The following GRIPAP1 variants were observed in gnomAD, a reference collection of about 807,000 sequenced individuals.
GRIPAP1 encodes GRIP1-associated protein 1.
GRIPAP1 carries 14 observed loss-of-function variants against 84.1 expected under a neutral mutation model. The observed-to-expected ratio is 0.17, with a 90% CI of 0.11 to 0.26. The LOEUF (loss-of-function observed/expected upper bound fraction) is 0.26. Ranked by LOEUF, GRIPAP1 falls within the 10% of genes least tolerant of loss-of-function variation. The pLI is 1.00. For missense variants in GRIPAP1, 518 were observed against 674.2 expected (o/e 0.77, Z 2.57); for synonymous variants, 261 against 256.8 (o/e 1.02, Z -0.15).
rs1351542097 is a variant in GRIPAP1, at chrX:49,002,183, G to A, written c.42+5C>T. The A allele has an allele frequency of 1.7e-6, 2 of 1,161,321 alleles. No homozygotes were observed. Among genetic ancestry groups the A allele is most frequent in the Non-Finnish European group, 2.3e-6 (2 of 855,050 alleles). On this transcript the variant is annotated splice_donor_5th_base_variant and intron_variant, in intron 1 of 25. Transcript: ENST00000376423. ...CCGGGTGGTCTTTCCCACCGCGAGC[G>A]GCACCTGCATCCGCTGAAACTCCTC...
chrX:48,979,626 T>A (rs1457964745), intron 21 of GRIPAP1, among the ~76,000 whole-genome samples: 9 of 108,011 alleles, frequency 8.3e-5, no homozygotes, highest in African/African-American at 2.0e-4. Context: ...TATTATTATT[T>A]TTTAGACAGA....
Position 48,989,665 on chromosome X carries a change from T to A in GRIPAP1, c.816A>T (p.Lys272Asn). ...GCTTCTGGGTTCGAGCCAACTGGGC[T>A]TTGTGATCAGCTTCCTTCCGTTGTT... ...ELQQRKEADH[K>N]AQLARTQKLQ... is the part of the protein sequence containing the mutation. The change falls in exon 11 of 26, where the codon AAA becomes AAT. Residue 272 changes from lysine to asparagine, a missense_variant. Lys to Asn is a moderately conservative substitution (Grantham distance 94). Transcript: ENST00000376423. 1 of 1,207,948 alleles carries A rather than the reference T, an allele frequency of 8.3e-7. No homozygotes were observed. Among genetic ancestry groups the A allele is most frequent in the Non-Finnish European group, 1.1e-6 (1 of 892,013 alleles).
intron 1 of GRIPAP1, 34 bp from the exon 2 acceptor site, chrX:48,999,538 C>T: frequency 3.8e-6 from 4 of 1,061,971 alleles, no homozygotes; most frequent in Non-Finnish European, 5.3e-6. Flanking sequence ...AAGACTTGGT[C>T]AGGAAAGCGC....
intron 5 of GRIPAP1, 143 bp downstream of exon 5, chrX:48,997,107 C>A (rs1451998085): frequency 1.5e-5 from 7 of 452,592 alleles, no homozygotes; most frequent in Non-Finnish European, 2.6e-5. Context: ...TACTGCCCCC[C>A]AGCAGCAATC....
intron 5 of GRIPAP1, among the ~76,000 whole-genome samples, chrX:48,996,200 G>A (rs2064546173): frequency 8.9e-6 from 1 of 112,043 alleles, no homozygotes; most frequent in Non-Finnish European, 1.9e-5. Flanking sequence ...GTCCCTGCTG[G>A]TACCTACTAC....
At chrX:48,990,294 CAT>C (rs2147743761) in intron 8 of GRIPAP1, among the ~76,000 whole-genome samples, 1 of 112,019 alleles carries the variant, frequency 8.9e-6, no homozygotes, top group East Asian at 2.8e-4. Context: ...ATGCTCCCAA[CAT>C]AGTGGCCAAT....
Position 48,991,114 on chromosome X carries a change from G to A in GRIPAP1, c.458-4C>T. ...TTCCCATAGCGTTCCTGCAGGGCTG[G>A]TGAGTAGAACAGGGATATATGATGG... On this transcript the variant is annotated splice_region_variant and splice_polypyrimidine_tract_variant and intron_variant, in intron 6 of 25. Coordinates refer to ENST00000376423, the MANE Select transcript of GRIPAP1 (RefSeq NM_020137.5). 1.7e-6 allele frequency: 2 copies of A among 1,172,706 alleles called. No homozygotes were observed. The highest frequency in any genetic ancestry group is 1.2e-6 in the Non-Finnish European group (1 of 859,431).
chrX:48,986,610 G>T (rs1557063829), intron 13 of GRIPAP1, among the ~76,000 whole-genome samples: 1 of 109,670 alleles, frequency 9.1e-6, no homozygotes, highest in East Asian at 3.0e-4. Context: ...GGCCAGGCTG[G>T]TCTCGAACTC....
At chrX:48,998,302 G>A (rs1339769790) in intron 3 of GRIPAP1, 122 bp from the exon 4 acceptor site, 2 of 501,149 alleles carry the variant, frequency 4.0e-6, no homozygotes, top group Non-Finnish European at 7.1e-6. Flanking sequence ...TGCAGGATGG[G>A]AGCATCTTCA....
At chrX:48,987,693 G>C in intron 13 of GRIPAP1, 92 bp downstream of exon 13, 1 of 566,419 alleles carries the variant, frequency 1.8e-6, no homozygotes. Flanking sequence ...AACAGCATGG[G>C]GTCCAGACCA....
At chrX:48,998,947 G>C (rs2064561725) in intron 3 of GRIPAP1, 1 of 317,087 alleles carries the variant, frequency 3.2e-6, no homozygotes, top group Non-Finnish European at 5.5e-6. Flanking sequence ...GCAGATTCGA[G>C]GTAGATTTAC....
At chrX:48,996,779 C>G (rs782419743) in intron 5 of GRIPAP1, among the ~76,000 whole-genome samples, 5 of 111,885 alleles carry the variant, frequency 4.5e-5, no homozygotes, top group African/African-American at 1.6e-4. Flanking sequence ...TAGAAACAGA[C>G]AGGACACTAA....
At position 48,985,264 on chromosome X, in the gene GRIPAP1, T is replaced by C; in HGVS notation, c.1176+4A>G. On this transcript the variant is annotated splice_donor_region_variant and intron_variant, in intron 14 of 25. Coordinates refer to ENST00000376423, the MANE Select transcript of GRIPAP1 (RefSeq NM_020137.5). ...AAGAGACAGGCCAGAGCCAAAGGTG[T>C]TACCTGGAGCTGGGAGTTGAGGTCA... 2 of 1,207,011 alleles carry C rather than the reference T, an allele frequency of 1.7e-6. No homozygotes were observed. The highest frequency in any genetic ancestry group is 2.2e-6 in the Non-Finnish European group (2 of 891,623).
Position 48,990,569 on chromosome X carries a change from T to C in GRIPAP1, c.690+116A>G. 7.2e-6 allele frequency: 4 copies of C among 559,047 alleles called. 1 individual carries two copies. The highest frequency in any genetic ancestry group is 1.2e-5 in the Non-Finnish European group (4 of 331,845). The allele number at this position is 559,047 out of a possible 1,213,427, so 46.1% of individuals were successfully genotyped here. A position where few individuals can be genotyped will look rare whatever the true frequency, so the allele number is the denominator to read the frequency against. On this transcript the variant is annotated intron_variant, in intron 8 of 25. Transcript: ENST00000376423. Reference sequence around the variant, plus strand: ...GGTGTGAGTCTCTCCATTTCACAGATGATGAAACCTAGGCTTTGATGGGGT... The same window carrying C: ...GGTGTGAGTCTCTCCATTTCACAGACGATGAAACCTAGGCTTTGATGGGGT...
At chrX:48,985,779 T>A (rs1189621763) in intron 13 of GRIPAP1, among the ~76,000 whole-genome samples, 1 of 109,586 alleles carries the variant, frequency 9.1e-6, no homozygotes, top group African/African-American at 3.3e-5. Context: ...TTTGAAGGGG[T>A]AAAGGGGACC....
chrX:48,986,401 C>A (rs1018860592), intron 13 of GRIPAP1, among the ~76,000 whole-genome samples: 1 of 109,967 alleles, frequency 9.1e-6, no homozygotes, highest in Non-Finnish European at 1.9e-5. Context: ...ATTTTGTTTT[C>A]TCTTTTTTGA....
chrX:48,997,527 G>A, intron 4 of GRIPAP1, 170 bp from the exon 5 acceptor site: 1 of 430,776 alleles, frequency 2.3e-6, no homozygotes, highest in South Asian at 3.4e-5. Context: ...TGAGAGACAG[G>A]GAAAGGAAGA....
chrX:48,999,213 T>C, intron 3 of GRIPAP1, 25 bp downstream of exon 3: 1 of 1,153,137 alleles, frequency 8.7e-7, no homozygotes, highest in South Asian at 1.8e-5. Context: ...GATGGGTAGG[T>C]GGATGGGTGG....
intron 13 of GRIPAP1, among the ~76,000 whole-genome samples, chrX:48,987,452 T>C (rs2147741166): frequency 1.0e-5 from 1 of 98,074 alleles, no homozygotes; most frequent in South Asian, 5.1e-4. Context: ...CTTTTTTTTT[T>C]TTTTTTTTTT....
Sources: gnomAD v4.1 joint callset for allele counts (sites outside exome capture counted in the v4.1 genomes callset) on GRCh38, gnomAD v4.1.1 for gene constraint, MANE v1.5 for transcripts, NCBI Gene and HGNC (gene_info 2026-07-23, HGNC 2026-07-21) for gene names.